Variants in MEIOC observed in about 807,000 individuals in gnomAD.
The protein encoded by MEIOC is meiosis-specific coiled-coil domain-containing protein MEIOC.
MEIOC carries 9 observed loss-of-function variants against 85.3 expected under a neutral mutation model. The ratio of observed to expected loss-of-function variants is 0.11; its 90% CI spans 0.06 to 0.18. MEIOC has a LOEUF of 0.18. Among genes scored for constraint, MEIOC ranks in the 10% least tolerant of loss-of-function variants. MEIOC has a pLI of 1.00. For missense variants in MEIOC, 898 were observed against 1,129.4 expected (o/e 0.80, Z 2.94); for synonymous variants, 365 against 393.7 (o/e 0.93, Z 0.86).
Position 44,674,313 on chromosome 17 carries a change from C to T in MEIOC, c.*117C>T. The T allele has an allele frequency of 5.6e-6, 8 of 1,430,838 alleles. No individual in the cohort carries two copies. Among genetic ancestry groups the T allele is most frequent in the Non-Finnish European group, 7.3e-6 (8 of 1,094,610 alleles). 88.6% of individuals were successfully genotyped at this position (1,430,838 alleles called of 1,614,324 possible). A position where few individuals can be genotyped will look rare whatever the true frequency, so the allele number is the denominator to read the frequency against. ...TTTTCTTTCAGATTTAAAGTTAATA[C>T]CAGTACCTTAATGAAGTCTAACTTC... is the stretch of plus-strand genomic sequence containing the variant. On this transcript the variant is annotated 3_prime_UTR_variant, in exon 8 of 8. Transcript: ENST00000409122.
rs1356871985 is a variant in MEIOC, at chr17:44,657,170, T to C, written c.113T>C (p.Leu38Pro). ...GGAGGTGCGAATCGCTGTTGGAACC[T>C]CGGCGCCGACGCCGGCAGCAGGTTA... is the stretch of plus-strand genomic sequence containing the variant. ...FPGGANRCWN[L>P]GADAGSRLTD... Residue 38 changes from leucine to proline, a missense_variant, in exon 2 of 8, where the codon CTC becomes CCC. Physicochemically the swap from Leu to Pro is moderately conservative, Grantham distance 98. This residue lies in a region of MEIOC where 734 missense variants were observed against 860.1 expected (regional missense o/e 0.85). Coordinates refer to ENST00000409122, the MANE Select transcript of MEIOC (RefSeq NM_001145080.3). 1 of 1,551,486 alleles carries C rather than the reference T, an allele frequency of 6.4e-7. No individual in the cohort carries two copies. The highest frequency in any genetic ancestry group is 8.7e-7 in the Non-Finnish European group (1 of 1,146,972).
chr17:44,657,231 C>A lies in MEIOC; in HGVS notation c.174C>A (p.Ser58=). The part of the protein sequence containing the change: ...DVFGSVMLTG[S]ASFYDCYTSQ... ...TCGGCAGCGTGATGTTGACTGGCTC[C>A]GCTTCCTTCTACGATTGCTACACAT... Residue 58 remains serine (S), a synonymous_variant, in exon 2 of 8, where the codon TCC becomes TCA. Transcript: ENST00000409122. 6.4e-7 allele frequency: 1 copy of A among 1,552,056 alleles called. No individual in the cohort carries two copies. Among genetic ancestry groups the A allele is most frequent in the Non-Finnish European group, 8.7e-7 (1 of 1,146,982 alleles).
intron 6 of MEIOC, chr17:44,670,837 C>T (rs1388755160): frequency 1.3e-5 from 2 of 151,936 alleles, no homozygotes; most frequent in Non-Finnish European, 2.9e-5. Context: ...CAACAAAATA[C>T]TTTTGTTTTG....
At chr17:44,676,980 A>G (rs1488628452), downstream of MEIOC, 1 of 980,746 alleles carries the variant, frequency 1.0e-6, no homozygotes, top group Non-Finnish European at 1.2e-6. Flanking sequence ...TAACTGTGAC[A>G]TACATAGCAG....
At chr17:44,664,663 T>C (rs768343347) in intron 3 of MEIOC, among the ~76,000 whole-genome samples, 21 of 152,228 alleles carry the variant, frequency 1.4e-4, no homozygotes, top group Non-Finnish European at 2.6e-4. Flanking sequence ...ATACTCAACC[T>C]GTATTACTTC....
chr17:44,663,367 A>G (rs886910424), intron 3 of MEIOC, among the ~76,000 whole-genome samples: 1 of 152,130 alleles, frequency 6.6e-6, no homozygotes, highest in Non-Finnish European at 1.5e-5. Flanking sequence ...AGTGACATCT[A>G]TCTTTAATTA....
chr17:44,674,149 A>C lies in MEIOC; in HGVS notation c.2812A>C (p.Asn938His). 1 of 1,551,710 alleles carries C rather than the reference A, an allele frequency of 6.4e-7. No homozygotes were observed. Among genetic ancestry groups the C allele is most frequent in the Non-Finnish European group, 8.7e-7 (1 of 1,146,968 alleles). Residue 938 changes from asparagine (N) to histidine (H), a missense_variant, in exon 8 of 8, where the codon AAT becomes CAT. Physicochemically the swap from Asn to His is moderately conservative, Grantham distance 68 (BLOSUM62 1). This residue lies in a region of MEIOC where 164 missense variants were observed against 269.2 expected (regional missense o/e 0.61). Transcript: ENST00000409122. ...NCEDKVHESI[N>H]SSNPMNQRGE... The stretch of plus-strand genomic sequence containing the variant: ...TGAAGATAAAGTCCATGAAAGCATA[A>C]ATAGTAGCAATCCAATGAACCAGAG...
chr17:44,669,118 G>T (rs1002001237), intron 5 of MEIOC, among the ~76,000 whole-genome samples: 8 of 151,750 alleles, frequency 5.3e-5, no homozygotes, highest in African/African-American at 1.9e-4. Context: ...CAGGAGAATC[G>T]CTTGAACCCG....
intron 6 of MEIOC, chr17:44,671,056 C>T (rs1972001945): frequency 6.6e-6 from 1 of 151,700 alleles, no homozygotes; most frequent in South Asian, 2.1e-4. Context: ...AAAAAAAATG[C>T]AGCAAAACGG....
chr17:44,668,341 T>C (rs1971943803), intron 5 of MEIOC, 108 bp downstream of exon 5: 2 of 1,054,302 alleles, frequency 1.9e-6, no homozygotes, highest in East Asian at 2.4e-5. Context: ...CTTTTTGCTT[T>C]ATTTGTTGTT....
chr17:44,658,012 C>T (rs970884637), intron 2 of MEIOC, among the ~76,000 whole-genome samples: 2 of 151,650 alleles, frequency 1.3e-5, no homozygotes, highest in African/African-American at 4.9e-5. Context: ...CCATCATGCC[C>T]GGCTAATTTT....
At chr17:44,658,185 T>C in intron 2 of MEIOC, among the ~76,000 whole-genome samples, 1 of 134,246 alleles carries the variant, frequency 7.4e-6, no homozygotes. Flanking sequence ...GACGGAGTCT[T>C]GCTCTGTCGC....
chr17:44,664,852 A>G, intron 3 of MEIOC, among the ~76,000 whole-genome samples: 1 of 152,246 alleles, frequency 6.6e-6, no homozygotes, highest in African/African-American at 2.4e-5. Flanking sequence ...TGTTACATTT[A>G]AGCGACAACT....
chr17:44,667,678 T>C lies in MEIOC; in HGVS notation c.1767T>C (p.Cys589=). 1 of 1,613,146 alleles carries C rather than the reference T, an allele frequency of 6.2e-7. No homozygotes were observed. The highest frequency in any genetic ancestry group is 8.5e-7 in the Non-Finnish European group (1 of 1,179,560). The change falls in exon 5 of 8, where the codon TGT becomes TGC. Residue 589 remains cysteine, a synonymous_variant. Transcript: ENST00000409122. ...DKKIKQPNGF[C]DNYSAQKYGI... Reference sequence around the variant, plus strand: ...AAATAAAGCAGCCAAATGGATTTTGTGATAACTATTCAGCTCAGAAGTATG... The same window carrying C: ...AAATAAAGCAGCCAAATGGATTTTGCGATAACTATTCAGCTCAGAAGTATG...
intron 3 of MEIOC, among the ~76,000 whole-genome samples, chr17:44,664,536 G>A (rs1971881534): frequency 6.6e-6 from 1 of 151,946 alleles, no homozygotes. Flanking sequence ...GATTAGGGAC[G>A]TTCAACCAAA....
chr17:44,666,933 A>G lies in MEIOC; in HGVS notation c.1022A>G (p.Lys341Arg), dbSNP rs1250891581. 3 of 1,610,080 alleles carry G rather than the reference A, an allele frequency of 1.9e-6. No homozygotes were observed. The highest frequency in any genetic ancestry group is 1.3e-5 in the African/African-American group (1 of 74,894). ...CATCCTAATAAGGCTAAGCTTAATA[A>G]ATGTTCAAATTTTAGTGTCCAAGAT... ...YVHPNKAKLN[K>R]CSNFSVQDSK... is the part of the protein sequence containing the mutation. The change falls in exon 5 of 8, where the codon AAA (lysine) becomes AGA (arginine). Residue 341 changes from lysine (K) to arginine (R), a missense_variant. Lys to Arg is a conservative substitution (Grantham distance 26, BLOSUM62 2). This residue lies in a region of MEIOC where 734 missense variants were observed against 860.1 expected (regional missense o/e 0.85). Transcript: ENST00000409122.
chr17:44,665,231 AAAG>A (rs1351025689), intron 3 of MEIOC, 150 bp from the exon 4 acceptor site: 1 of 950,368 alleles, frequency 1.1e-6, no homozygotes, highest in Non-Finnish European at 1.4e-6. Context: ...TTTATGTAGA[AAAG>A]AAAATATTCT....
intron 3 of MEIOC, among the ~76,000 whole-genome samples, chr17:44,662,760 T>A (rs757315448): frequency 4.6e-5 from 7 of 152,216 alleles, no homozygotes; most frequent in Admixed American, 1.3e-4. Flanking sequence ...CAAGCCATAC[T>A]CCTGCCTCAG....
chr17:44,673,535 A>G lies in MEIOC; in HGVS notation c.2627A>G (p.Gln876Arg). The G allele has an allele frequency of 6.5e-7, 1 of 1,546,492 alleles. No homozygotes were observed. Among genetic ancestry groups the G allele is most frequent in the Non-Finnish European group, 8.7e-7 (1 of 1,145,320 alleles). The change falls in exon 7 of 8, where the codon CAA (glutamine) becomes CGA (arginine). Residue 876 changes from glutamine (Q) to arginine (R), a missense_variant. By Grantham distance (43) the Gln-to-Arg change is conservative (BLOSUM62 1). Transcript: ENST00000409122. ...NRQRQGVPRCQDDRDVFALAS... is the reference protein window; with the variant it reads ...NRQRQGVPRCRDDRDVFALAS... ...CAAAGGCAAGGAGTTCCTAGATGCCAAGATGACAGAGGTACAAATATTAAT... is the reference window on the plus strand; with the variant it reads ...CAAAGGCAAGGAGTTCCTAGATGCCGAGATGACAGAGGTACAAATATTAAT...
Sources: allele counts gnomAD v4.1 joint callset (sites outside exome capture counted in the v4.1 genomes callset), GRCh38; gene constraint gnomAD v4.1.1; regional missense constraint gnomAD v4.1.1; transcripts MANE v1.5; gene names NCBI Gene and HGNC (gene_info 2026-07-23, HGNC 2026-07-21).